NELL1: variants seen among roughly 807,000 people sequenced by gnomAD.
NELL1 encodes protein kinase C-binding protein NELL1.
Under a neutral mutation model 107.4 loss-of-function variants are expected in NELL1, and 76 were observed. That is an observed-to-expected ratio of 0.71 (90% confidence interval 0.59 to 0.86). NELL1 has a LOEUF of 0.86. Among genes scored for constraint, NELL1 ranks in the 40% least tolerant of loss-of-function variants. NELL1 has a pLI of 0.00. For synonymous variants in NELL1, 353 were observed against 341.2 expected, an observed-to-expected ratio of 1.03 and a Z score of -0.38; for missense variants, 1,024 against 1,005.5, an observed-to-expected ratio of 1.02 and a Z score of -0.25.
chr11:21,454,310 T>C (rs1039861287), intron 15 of NELL1, among the ~76,000 whole-genome samples: 1 of 151,328 alleles, frequency 6.6e-6, no homozygotes, highest in Non-Finnish European at 1.5e-5. Context: ...TGCCACATTT[T>C]CTTAATCCAG....
At chr11:21,232,176 AT>A in intron 14 of NELL1, among the ~76,000 whole-genome samples, 1 of 122,470 alleles carries the variant, frequency 8.2e-6, no homozygotes, top group South Asian at 2.6e-4. Flanking sequence ...ATATATATAT[AT>A]AAATTAGCTG....
chr11:21,134,094 G>A (rs369381842), intron 13 of NELL1, among the ~76,000 whole-genome samples: 3 of 152,344 alleles, frequency 2.0e-5, no homozygotes, highest in Non-Finnish European at 2.9e-5. Flanking sequence ...TTGATATGGC[G>A]AGTTTTATGA....
chr11:20,869,050 A>G (rs542584651), intron 4 of NELL1, among the ~76,000 whole-genome samples: 1 of 152,310 alleles, frequency 6.6e-6, no homozygotes, highest in Non-Finnish European at 1.5e-5. Context: ...GTTGGAAGCA[A>G]AAGAGTATAT....
At chr11:20,892,288 G>T (rs1849632142) in intron 5 of NELL1, among the ~76,000 whole-genome samples, 1 of 152,090 alleles carries the variant, frequency 6.6e-6, no homozygotes. Flanking sequence ...TGAAATTAAG[G>T]CAGAAATCAA....
chr11:21,556,011 T>C (rs1263677894), intron 16 of NELL1, among the ~76,000 whole-genome samples: 2 of 151,992 alleles, frequency 1.3e-5, no homozygotes, highest in African/African-American at 4.8e-5. Flanking sequence ...TTTTGCAAGT[T>C]ACATCAGACT....
At chr11:21,097,290 G>A (rs1024440382) in intron 12 of NELL1, among the ~76,000 whole-genome samples, 20 of 152,252 alleles carry the variant, frequency 1.3e-4, no homozygotes, top group African/African-American at 3.4e-4. Context: ...GCTTGGTGCC[G>A]TGAAGTAAAA....
At chr11:21,504,283 A>AG (rs1214273439) in intron 15 of NELL1, 1 of 152,224 alleles carries the variant, frequency 6.6e-6, no homozygotes, top group African/African-American at 2.4e-5. Context: ...ATATTTGTCA[A>AG]GGGCTTTGTA....
Position 20,767,087 on chromosome 11 carries a change from G to A in NELL1, c.185-16593G>A, listed in dbSNP as rs569663382. The stretch of plus-strand genomic sequence containing the variant: ...AATCACGATAGTCTGTTATGCTGCT[G>A]TGTGCCAGCCACTGTCCTGGTGTGT... On this transcript the variant is annotated intron_variant, in intron 2 of 19. Transcript: ENST00000357134. Among the ~76,000 whole-genome samples the A allele has an allele frequency of 2.0e-5, 3 of 152,284 alleles. No homozygotes were observed. The East Asian group carries it at 5.8e-4, about 29-fold the overall frequency.
intron 12 of NELL1, among the ~76,000 whole-genome samples, chr11:20,975,844 TTA>T (rs1218321021): frequency 1.5e-5 from 2 of 137,054 alleles, no homozygotes; most frequent in African/African-American, 2.6e-5. Flanking sequence ...CATATGTGTA[TTA>T]TATATACATA....
At chr11:20,968,709 G>T (rs1276640120) in intron 12 of NELL1, among the ~76,000 whole-genome samples, 1 of 152,168 alleles carries the variant, frequency 6.6e-6, no homozygotes, top group Non-Finnish European at 1.5e-5. Flanking sequence ...ATTTTCAAAT[G>T]GATGTTCCAG....
chr11:21,546,349 C>T (rs76694060), intron 16 of NELL1, among the ~76,000 whole-genome samples: 1,849 of 152,094 alleles, frequency 0.012, 41 homozygotes, highest in East Asian at 0.078. Flanking sequence ...ATTACAGAAA[C>T]TCCTGGCTTG....
At chr11:21,572,679 C>G (rs1023630516) in intron 18 of NELL1, among the ~76,000 whole-genome samples, 1 of 151,852 alleles carries the variant, frequency 6.6e-6, no homozygotes, top group Non-Finnish European at 1.5e-5. Flanking sequence ...AAATGGTTAT[C>G]TTGACATTGC....
At chr11:21,109,223 A>G (rs1855047496) in intron 12 of NELL1, among the ~76,000 whole-genome samples, 1 of 152,080 alleles carries the variant, frequency 6.6e-6, no homozygotes, top group African/African-American at 2.4e-5. Flanking sequence ...AACAGCATCT[A>G]TTTTTTGGGT....
At chr11:21,132,286 T>C (rs977719347) in intron 13 of NELL1, among the ~76,000 whole-genome samples, 2 of 152,060 alleles carry the variant, frequency 1.3e-5, no homozygotes, top group African/African-American at 4.8e-5. Flanking sequence ...TGTCACGGGA[T>C]CCTTGGGGTG....
At chr11:21,460,520 C>T (rs958317505) in intron 15 of NELL1, among the ~76,000 whole-genome samples, 10 of 152,042 alleles carry the variant, frequency 6.6e-5, no homozygotes, top group African/African-American at 2.4e-4. Context: ...AGCTATGGTG[C>T]CAGGTTTCTT....
At chr11:21,107,970 G>T (rs1855010131) in intron 12 of NELL1, among the ~76,000 whole-genome samples, 1 of 152,152 alleles carries the variant, frequency 6.6e-6, no homozygotes. Flanking sequence ...GGAGTCATAA[G>T]AACCTTGGTT....
intron 2 of NELL1, among the ~76,000 whole-genome samples, chr11:20,709,176 C>G (rs1358498000): frequency 6.6e-6 from 1 of 152,054 alleles, no homozygotes; most frequent in Non-Finnish European, 1.5e-5. Context: ...GGTTTCCGGT[C>G]TTAGATTTAA....
intron 2 of NELL1, among the ~76,000 whole-genome samples, chr11:20,701,967 G>A (rs945109133): frequency 6.6e-6 from 1 of 152,110 alleles, no homozygotes; most frequent in Non-Finnish European, 1.5e-5. Context: ...TGTTCTTTTG[G>A]CTCAGAATTG....
chr11:20,930,007 A>C (rs1204329060), intron 9 of NELL1, among the ~76,000 whole-genome samples: 1 of 150,344 alleles, frequency 6.7e-6, no homozygotes, highest in African/African-American at 2.5e-5. Context: ...GCTATTAGGG[A>C]TGTATTAAAA....
Sources: gnomAD v4.1 joint callset for allele counts (sites outside exome capture counted in the v4.1 genomes callset) on GRCh38, gnomAD v4.1.1 for gene constraint, MANE v1.5 for transcripts, NCBI Gene and HGNC (gene_info 2026-07-23, HGNC 2026-07-21) for gene names.